Variants in RTL4 observed in about 807,000 individuals in gnomAD.
RTL4 encodes the protein retrotransposon Gag-like protein 4.
RTL4 carries 4 observed loss-of-function variants against 5.3 expected under a neutral mutation model. That is an observed-to-expected ratio of 0.75 (90% CI 0.37 to 1.72). RTL4 has a LOEUF of 1.72. Among genes scored for constraint, RTL4 ranks in the 40% most tolerant of loss-of-function variants. The pLI is 0.04. For synonymous variants in RTL4, 98 were observed against 87.3 expected, an observed-to-expected ratio of 1.12 and a Z score of -0.68; for missense variants, 260 against 227.1, an observed-to-expected ratio of 1.14 and a Z score of -0.93.
the RTL4 span, among the ~76,000 whole-genome samples, chrX:112,390,604 A>G: frequency 9.1e-6 from 1 of 110,315 alleles, no homozygotes; most frequent in Non-Finnish European, 1.9e-5. Flanking sequence ...TTTTTTTAAG[A>G]ATGTTGAATA....
the RTL4 span, among the ~76,000 whole-genome samples, chrX:112,191,102 A>G: frequency 1.3e-3 from 149 of 112,413 alleles, no homozygotes; most frequent in African/African-American, 4.5e-3. Context: ...ACAATGAACT[A>G]GTGAGTGGCA....
At chrX:112,357,593 G>A in the RTL4 span, among the ~76,000 whole-genome samples, 1 of 112,141 alleles carries the variant, frequency 8.9e-6, no homozygotes, top group South Asian at 3.6e-4. Context: ...AACCTCATCT[G>A]TACTGTGCTC....
the RTL4 span, among the ~76,000 whole-genome samples, chrX:112,321,710 G>A: frequency 1.8e-5 from 2 of 111,503 alleles, no homozygotes; most frequent in East Asian, 2.8e-4. Flanking sequence ...CCTATGAAGC[G>A]AGGATGATGA....
At chrX:112,111,536 G>A in the RTL4 span, among the ~76,000 whole-genome samples, 3 of 112,752 alleles carry the variant, frequency 2.7e-5, no homozygotes, top group Non-Finnish European at 5.6e-5. Flanking sequence ...CCAGAGGTTA[G>A]GAACTCCCTT....
At chrX:112,363,734 A>C in the RTL4 span, among the ~76,000 whole-genome samples, 1 of 111,228 alleles carries the variant, frequency 9.0e-6, no homozygotes, top group Non-Finnish European at 1.9e-5. Flanking sequence ...TCATTATTTG[A>C]AGCACCATTA....
the RTL4 span, among the ~76,000 whole-genome samples, chrX:112,104,692 T>C: frequency 8.9e-6 from 1 of 112,256 alleles, no homozygotes; most frequent in Non-Finnish European, 1.9e-5. Flanking sequence ...CATTTATATG[T>C]CTTCTTTTGA....
the RTL4 span, among the ~76,000 whole-genome samples, chrX:112,176,788 G>GT: frequency 0.022 from 2,362 of 109,848 alleles, 34 homozygotes; most frequent in Non-Finnish European, 0.033. Context: ...TATTTAATTG[G>GT]TTTTTTTTAC....
At chrX:112,157,073 T>A in the RTL4 span, among the ~76,000 whole-genome samples, 1 of 107,960 alleles carries the variant, frequency 9.3e-6, no homozygotes, top group Non-Finnish European at 1.9e-5. Flanking sequence ...TTTGTGTGTG[T>A]GTGTGTGTGT....
At chrX:112,159,324 C>G in the RTL4 span, among the ~76,000 whole-genome samples, 1 of 111,927 alleles carries the variant, frequency 8.9e-6, no homozygotes, top group Non-Finnish European at 1.9e-5. Context: ...CAAGTCAGAA[C>G]TGGAGCCCAC....
the RTL4 span, among the ~76,000 whole-genome samples, chrX:112,231,639 T>C: frequency 9.3e-6 from 1 of 107,330 alleles, no homozygotes; most frequent in Non-Finnish European, 1.9e-5. Context: ...AGTTAATGGG[T>C]GCAGCACAGC....
At chrX:112,220,113 C>T in the RTL4 span, among the ~76,000 whole-genome samples, 1 of 111,776 alleles carries the variant, frequency 8.9e-6, no homozygotes, top group Non-Finnish European at 1.9e-5. Flanking sequence ...ACTAATATAT[C>T]TCTTCAAAGG....
chrX:112,338,859 T>C, the RTL4 span, among the ~76,000 whole-genome samples: 8 of 112,453 alleles, frequency 7.1e-5, no homozygotes, highest in African/African-American at 2.6e-4. Context: ...TTAATAGAAT[T>C]GCATAAGCTA....
chrX:112,400,284 T>G, the RTL4 span, among the ~76,000 whole-genome samples: 3 of 111,995 alleles, frequency 2.7e-5, no homozygotes, highest in Non-Finnish European at 5.6e-5. Context: ...TTATCTCTAT[T>G]ATGTTTCGTT....
At chrX:112,342,756 G>C in the RTL4 span, among the ~76,000 whole-genome samples, 6 of 111,778 alleles carry the variant, frequency 5.4e-5, no homozygotes, top group Non-Finnish European at 1.1e-4. Context: ...AGTTGCAAGA[G>C]AGCAAGTGGA....
At chrX:112,232,170 T>TA in the RTL4 span, among the ~76,000 whole-genome samples, 1 of 111,216 alleles carries the variant, frequency 9.0e-6, no homozygotes, top group African/African-American at 3.3e-5. Context: ...AGGCAGGCAG[T>TA]AGCACAGCCT....
the RTL4 span, among the ~76,000 whole-genome samples, chrX:112,292,771 G>C: frequency 9.0e-6 from 1 of 111,070 alleles, no homozygotes. Flanking sequence ...GAATACAATA[G>C]CTCAATCCAG....
chrX:112,277,428 G>A, the RTL4 span, among the ~76,000 whole-genome samples: 1 of 111,801 alleles, frequency 8.9e-6, no homozygotes, highest in African/African-American at 3.2e-5. Flanking sequence ...AAGCCCAAAA[G>A]GATAGAGAGA....
At chrX:112,443,680 A>G in the RTL4 span, among the ~76,000 whole-genome samples, 1 of 112,109 alleles carries the variant, frequency 8.9e-6, no homozygotes, top group African/African-American at 3.2e-5. Context: ...CATTTCTCTG[A>G]TGATCAATGA....
At chrX:112,199,368 T>A in the RTL4 span, among the ~76,000 whole-genome samples, 1 of 109,844 alleles carries the variant, frequency 9.1e-6, no homozygotes, top group South Asian at 3.9e-4. Flanking sequence ...TTGGAGGGAT[T>A]TAGTCAGCTA....
Sources: gnomAD v4.1 joint callset for allele counts (sites outside exome capture counted in the v4.1 genomes callset) on GRCh38, gnomAD v4.1.1 for gene constraint, MANE v1.5 for transcripts, NCBI Gene and HGNC (gene_info 2026-07-23, HGNC 2026-07-21) for gene names.